PBRM1: variants seen among roughly 807,000 people sequenced by gnomAD.
PBRM1 encodes protein polybromo-1.
In PBRM1, 27 loss-of-function variants were observed where a neutral mutation model predicts 194.5. That is an observed-to-expected ratio of 0.14 (90% CI 0.10 to 0.19). The LOEUF (loss-of-function observed/expected upper bound fraction) is 0.19. Ranked by LOEUF, PBRM1 falls within the 10% of genes least tolerant of loss-of-function variation. PBRM1 has a pLI of 1.00. For missense variants in PBRM1, 1,466 were observed against 2,077.2 expected (o/e 0.71, Z 5.72); for synonymous variants, 655 against 693.2 (o/e 0.94, Z 0.87).
At chr3:52,675,249 T>C (rs893746340) in intron 2 of PBRM1, among the ~76,000 whole-genome samples, 1 of 152,180 alleles carries the variant, frequency 6.6e-6, no homozygotes, top group African/African-American at 2.4e-5. Context: ...AGAAAATCCC[T>C]AGACTGATAG....
chr3:52,656,915 C>T lies in PBRM1; in HGVS notation c.645+1284G>A, dbSNP rs1343078538. Among the ~76,000 whole-genome samples, 5 of 135,072 alleles carry T rather than the reference C, an allele frequency of 3.7e-5. No homozygotes were observed. The East Asian group carries it at 1.2e-3, about 31-fold the overall frequency. The allele number at this position is 135,072 out of a possible 152,430, so 88.6% of individuals were successfully genotyped here. On this transcript the variant is annotated intron_variant, in intron 5 of 29. Coordinates refer to ENST00000296302, the Ensembl canonical transcript of PBRM1. Reference sequence around the variant, plus strand: ...TCTATCTCTAAACAAAACAAAACACCCCAAAAAACTTATAAACAAAAGGTA... The same window carrying T: ...TCTATCTCTAAACAAAACAAAACACTCCAAAAAACTTATAAACAAAAGGTA...
intron 4 of PBRM1, among the ~76,000 whole-genome samples, chr3:52,659,767 C>A (rs775513525): frequency 8.5e-5 from 13 of 152,122 alleles, no homozygotes; most frequent in African/African-American, 3.1e-4. Context: ...CTGAAAATTT[C>A]TTCTCCCTCC....
chr3:52,674,058 A>AT (rs2097022069), intron 2 of PBRM1, among the ~76,000 whole-genome samples: 3 of 122,122 alleles, frequency 2.5e-5, no homozygotes, highest in African/African-American at 5.9e-5. Context: ...CTCAAAAAAA[A>AT]AATATATATA....
intron 2 of PBRM1, among the ~76,000 whole-genome samples, chr3:52,676,737 G>C (rs1274147034): frequency 1.3e-5 from 2 of 152,192 alleles, no homozygotes; most frequent in African/African-American, 4.8e-5. Context: ...ACAGGAAAAT[G>C]TGGGAGTTTG....
chr3:52,579,024 C>A (rs1386394883), intron 21 of PBRM1, 30 bp downstream of exon 23: 2 of 1,611,304 alleles, frequency 1.2e-6, no homozygotes, highest in Admixed American at 1.7e-5. Flanking sequence ...TCAGATTCAA[C>A]CTCATCTTCC....
intron 22 of PBRM1, 75 bp downstream of exon 24, chr3:52,576,466 A>G (rs1575917931): frequency 8.6e-7 from 1 of 1,162,212 alleles, no homozygotes; most frequent in African/African-American, 1.5e-5. Context: ...CACCTAGAAC[A>G]GTGCCCCACA....
intron 20 of PBRM1, among the ~76,000 whole-genome samples, chr3:52,581,769 C>T (rs1487384075): frequency 6.6e-6 from 1 of 151,904 alleles, no homozygotes; most frequent in African/African-American, 2.4e-5. Flanking sequence ...TCCCGAGAAG[C>T]TGAGATTACA....
At chr3:52,677,135 T>A (rs1578316519) in intron 2 of PBRM1, among the ~76,000 whole-genome samples, 1 of 152,178 alleles carries the variant, frequency 6.6e-6, no homozygotes, top group Non-Finnish European at 1.5e-5. Flanking sequence ...CTTCATGATA[T>A]TGGATTTGGC....
At chr3:52,555,913 T>A (rs1331215957) in intron 26 of PBRM1, among the ~76,000 whole-genome samples, 1 of 152,212 alleles carries the variant, frequency 6.6e-6, no homozygotes, top group Non-Finnish European at 1.5e-5. Context: ...ACATGGCATT[T>A]TTTTAAAACA....
chr3:52,665,168 G>A (rs1328620616), intron 3 of PBRM1, among the ~76,000 whole-genome samples: 1 of 152,020 alleles, frequency 6.6e-6, no homozygotes, highest in African/African-American at 2.4e-5. Context: ...TATTATTATT[G>A]TTTTTAAAGA....
chr3:52,559,670 A>C lies in PBRM1; in HGVS notation c.4289-1257T>G, dbSNP rs1387025779. 2.0e-5 allele frequency among the ~76,000 whole-genome samples: 3 copies of C among 152,176 alleles called. No homozygotes were observed. In the East Asian group the frequency reaches 5.8e-4, roughly 29 times the overall value. ...TGGCTTTACAGAGAATCAAGAAGCT[A>C]CAGCTCCAGTCCTCCTTTAAGAATA... On this transcript the variant is annotated intron_variant, in intron 25 of 29. Transcript: ENST00000296302.
chr3:52,563,547 G>C, intron 23 of PBRM1, 54 bp from the exon 26 acceptor site: 1 of 1,288,688 alleles, frequency 7.8e-7, no homozygotes, highest in Non-Finnish European at 1.1e-6. Flanking sequence ...TCCAGAATAA[G>C]CCGGAAAGCA....
chr3:52,676,394 T>C (rs535018849), intron 2 of PBRM1, among the ~76,000 whole-genome samples: 117 of 152,306 alleles, frequency 7.7e-4, no homozygotes, highest in African/African-American at 2.6e-3. Context: ...ATTCTCGTGA[T>C]AGTGATTAAG....
chr3:52,682,612 T>G (rs2154078306), upstream of PBRM1, among the ~76,000 whole-genome samples: 1 of 152,336 alleles, frequency 6.6e-6, no homozygotes, highest in African/African-American at 2.4e-5. Flanking sequence ...TAAAATGTAT[T>G]TTGAAAGTCT....
At chr3:52,633,384 T>G (rs998408866) in intron 11 of PBRM1, among the ~76,000 whole-genome samples, 1 of 152,296 alleles carries the variant, frequency 6.6e-6, no homozygotes, top group South Asian at 2.1e-4. Context: ...TTCCATTGTA[T>G]GTACACACCA....
intron 22 of PBRM1, among the ~76,000 whole-genome samples, chr3:52,569,213 A>ATT (rs59228928): frequency 5.1e-4 from 70 of 136,432 alleles, no homozygotes; most frequent in African/African-American, 1.6e-3. Context: ...TTTCAATATG[A>ATT]TTTTTTTTTT....
exon 30 of PBRM1, chr3:52,548,159 G>C: frequency 6.2e-7 from 1 of 1,611,260 alleles, no homozygotes; most frequent in East Asian, 2.2e-5. Flanking sequence ...TGGTGGTGTG[G>C]GCCCCTTTGC....
At chr3:52,561,086 TA>T (rs990548419) in intron 25 of PBRM1, among the ~76,000 whole-genome samples, 6 of 151,488 alleles carry the variant, frequency 4.0e-5, no homozygotes, top group Non-Finnish European at 7.4e-5. Context: ...GTCTGATATT[TA>T]AAAAAAACCC....
At chr3:52,664,325 C>T (rs2096784791) in intron 3 of PBRM1, among the ~76,000 whole-genome samples, 1 of 148,354 alleles carries the variant, frequency 6.7e-6, no homozygotes, top group South Asian at 2.1e-4. Flanking sequence ...AAAGACGCTA[C>T]TTCCTATATG....
Sources: allele counts gnomAD v4.1 joint callset (sites outside exome capture counted in the v4.1 genomes callset), GRCh38; gene constraint gnomAD v4.1.1; transcripts MANE v1.5; gene names NCBI Gene and HGNC (gene_info 2026-07-23, HGNC 2026-07-21).